ZFYVE9: variants seen among roughly 807,000 people sequenced by gnomAD.
The protein encoded by ZFYVE9 is zinc finger FYVE-type containing 9, also known as zinc finger FYVE domain-containing protein 9.
ZFYVE9 carries 43 observed loss-of-function variants against 126.7 expected under a neutral mutation model. The ratio of observed to expected loss-of-function variants is 0.34; its 90% CI spans 0.27 to 0.44. ZFYVE9 has a LOEUF of 0.44. Ranked by LOEUF, ZFYVE9 falls within the 20% of genes least tolerant of loss-of-function variation. ZFYVE9 has a pLI of 1.00. For missense variants in ZFYVE9, 1,476 were observed against 1,697.0 expected (o/e 0.87, Z 2.29); for synonymous variants, 521 against 597.4 (o/e 0.87, Z 1.87).
chr1:52,207,977 A>G (rs1049498256), intron 1 of ZFYVE9, among the ~76,000 whole-genome samples: 1 of 152,224 alleles, frequency 6.6e-6, no homozygotes, highest in Non-Finnish European at 1.5e-5. Context: ...AGTGTAAAGA[A>G]ACTGAGATTC....
chr1:52,153,259 A>G (rs1644373661), intron 1 of ZFYVE9, among the ~76,000 whole-genome samples: 2 of 152,178 alleles, frequency 1.3e-5, no homozygotes, highest in African/African-American at 4.8e-5. Context: ...CCATATCTTC[A>G]CAGTTTCTGA....
chr1:52,177,085 C>T (rs1344948703), intron 1 of ZFYVE9, among the ~76,000 whole-genome samples: 6 of 152,074 alleles, frequency 3.9e-5, no homozygotes, highest in Non-Finnish European at 8.8e-5. Flanking sequence ...TCTTCTGCGT[C>T]GCTCACGCTG....
At chr1:52,198,803 C>T (rs1479024712) in intron 1 of ZFYVE9, among the ~76,000 whole-genome samples, 1 of 152,150 alleles carries the variant, frequency 6.6e-6, no homozygotes, top group African/African-American at 2.4e-5. Context: ...CTGTGTACCT[C>T]CTGCCCTCAC....
chr1:52,265,400 T>C (rs187709871), intron 5 of ZFYVE9, among the ~76,000 whole-genome samples: 56 of 152,318 alleles, frequency 3.7e-4, no homozygotes, highest in Admixed American at 3.1e-3. Flanking sequence ...CATTCTTTGA[T>C]GTTGAAAGAG....
intron 1 of ZFYVE9, among the ~76,000 whole-genome samples, chr1:52,167,757 G>C (rs1161977882): frequency 2.0e-5 from 3 of 152,018 alleles, no homozygotes; most frequent in Non-Finnish European, 2.9e-5. Flanking sequence ...CAAAGTCACA[G>C]CAACAAGCAG....
rs1200227177 is a variant in ZFYVE9 at position 52,174,797 on chromosome 1, G to T, written c.-143+32394G>T. Among the ~76,000 whole-genome samples, 5 of 152,184 alleles carry T rather than the reference G, an allele frequency of 3.3e-5. No homozygotes were observed. In the Middle Eastern group the frequency reaches 0.01, roughly 311 times the overall value. Reference sequence around the variant, plus strand: ...CTCTTTTGATCTTTGTTGGTTTAAAGTCTGTTTTATCCGAGACTAGGATTG... The same window carrying T: ...CTCTTTTGATCTTTGTTGGTTTAAATTCTGTTTTATCCGAGACTAGGATTG... On this transcript the variant is annotated intron_variant, in intron 1 of 18. Coordinates refer to ENST00000287727, the MANE Select transcript of ZFYVE9 (RefSeq NM_004799.4).
chr1:52,236,628 CATT>C (rs1645275401), intron 3 of ZFYVE9, among the ~76,000 whole-genome samples: 1 of 152,040 alleles, frequency 6.6e-6, no homozygotes, highest in South Asian at 2.1e-4. Flanking sequence ...TAAACAGAAA[CATT>C]ATATGAAATT....
chr1:52,159,936 C>T (rs1354191674), intron 1 of ZFYVE9, among the ~76,000 whole-genome samples: 1 of 151,966 alleles, frequency 6.6e-6, no homozygotes, highest in Admixed American at 6.6e-5. Flanking sequence ...GCTGGGACTA[C>T]AGGCACCCGC....
chr1:52,227,876 CTA>C (rs1312495891), intron 2 of ZFYVE9, among the ~76,000 whole-genome samples: 4 of 152,140 alleles, frequency 2.6e-5, no homozygotes, highest in Admixed American at 1.3e-4. Context: ...GCATAAATTT[CTA>C]TGTTTGCAGC....
intron 13 of ZFYVE9, among the ~76,000 whole-genome samples, chr1:52,321,918 CT>C (rs2147859703): frequency 6.6e-6 from 1 of 152,336 alleles, no homozygotes; most frequent in African/African-American, 2.4e-5. Flanking sequence ...CCTTGGTAAT[CT>C]TATCCAGTTC....
chr1:52,291,406 G>A, intron 10 of ZFYVE9, among the ~76,000 whole-genome samples: 1 of 152,174 alleles, frequency 6.6e-6, no homozygotes, highest in East Asian at 1.9e-4. Context: ...TGCTTTCAAA[G>A]GTATCAAAGG....
intron 11 of ZFYVE9, among the ~76,000 whole-genome samples, 165 bp from the exon 12 acceptor site, chr1:52,295,730 C>T (rs560770727): frequency 6.6e-6 from 1 of 152,264 alleles, no homozygotes; most frequent in African/African-American, 2.4e-5. Context: ...CTTAATATGG[C>T]TCAGCATTTG....
At chr1:52,240,700 G>T (rs375854483) in intron 4 of ZFYVE9, among the ~76,000 whole-genome samples, 1 of 152,132 alleles carries the variant, frequency 6.6e-6, no homozygotes, top group East Asian at 1.9e-4. Flanking sequence ...TAATTATCGG[G>T]TCTCAACCTG....
intron 13 of ZFYVE9, among the ~76,000 whole-genome samples, chr1:52,324,188 G>C (rs1466022441): frequency 2.0e-5 from 3 of 152,010 alleles, no homozygotes; most frequent in African/African-American, 7.2e-5. Context: ...GTTGGAGACT[G>C]CAGTAAGCTA....
chr1:52,337,997 T>C (rs1302864989), intron 16 of ZFYVE9, 63 bp downstream of exon 16: 13 of 1,545,160 alleles, frequency 8.4e-6, no homozygotes, highest in Non-Finnish European at 1.1e-5. Flanking sequence ...GGGTTTTGTC[T>C]GCTGTCTACA....
rs776312777 is a variant in ZFYVE9, at chr1:52,295,908, A to G, written c.3264A>G (p.Pro1088=). The change falls in exon 12 of 19, where the codon CCA becomes CCG. Residue 1088 remains proline (P), a synonymous_variant. Transcript: ENST00000287727. ...LGAEYRLYPC[P]LFSVRFRKPL... ...TCATTTCCATAGTTTATCCATGCCC[A>G]CTATTCAGTGTCAGATTTCGGAAGC... is the stretch of plus-strand genomic sequence containing the variant. The G allele has an allele frequency of 1.9e-6, 3 of 1,613,664 alleles. No homozygotes were observed. The highest frequency in any genetic ancestry group is 4.5e-5 in the East Asian group (2 of 44,854).
chr1:52,168,217 T>C lies in ZFYVE9; in HGVS notation c.-143+25814T>C, dbSNP rs917306783. On this transcript the variant is annotated intron_variant, in intron 1 of 18. Coordinates refer to ENST00000287727, the MANE Select transcript of ZFYVE9 (RefSeq NM_004799.4). Reference sequence around the variant, plus strand: ...TCCTCTTCCTCCTCTTCGTCTTCTTTTTTTTTTTTTTTTTTTTTTGACAGA... The same window carrying C: ...TCCTCTTCCTCCTCTTCGTCTTCTTCTTTTTTTTTTTTTTTTTTTGACAGA... 2.5e-3 allele frequency among the ~76,000 whole-genome samples: 329 copies of C among 130,808 alleles called. 1 individual carries two copies. The highest frequency in any genetic ancestry group is 2.6e-3 in the Non-Finnish European group (161 of 62,358). The allele number at this position is 130,808 out of a possible 152,430, so 85.8% of individuals were successfully genotyped here.
intron 1 of ZFYVE9, among the ~76,000 whole-genome samples, chr1:52,153,781 A>G (rs1206832158): frequency 6.6e-6 from 1 of 152,174 alleles, no homozygotes; most frequent in African/African-American, 2.4e-5. Flanking sequence ...CAGGACTTCT[A>G]ACTCCGTAGA....
intron 1 of ZFYVE9, among the ~76,000 whole-genome samples, chr1:52,209,376 T>C (rs1204067617): frequency 6.6e-6 from 1 of 152,186 alleles, no homozygotes; most frequent in African/African-American, 2.4e-5. Flanking sequence ...AAATTCACTT[T>C]TAAAGCACAC....
Sources: allele counts gnomAD v4.1 joint callset (sites outside exome capture counted in the v4.1 genomes callset), GRCh38; gene constraint gnomAD v4.1.1; transcripts MANE v1.5; gene names NCBI Gene and HGNC (gene_info 2026-07-23, HGNC 2026-07-21).